The following DAAM2 variants were observed in gnomAD, a reference collection of about 807,000 sequenced individuals.
DAAM2 encodes the protein dishevelled associated activator of morphogenesis 2.
DAAM2 carries 39 observed loss-of-function variants against 120.7 expected under a neutral mutation model. That is an observed-to-expected ratio of 0.32 (90% CI 0.25 to 0.42). DAAM2 has a LOEUF of 0.42. Among genes scored for constraint, DAAM2 ranks in the 10% least tolerant of loss-of-function variants. DAAM2 has a pLI of 1.00. For missense variants in DAAM2, 1,283 were observed against 1,401.7 expected (o/e 0.92, Z 1.35); for synonymous variants, 488 against 524.9 (o/e 0.93, Z 0.96).
Position 39,856,306 on chromosome 6 carries a change from G to GC in DAAM2, c.10dup (p.Arg4ProfsTer18), listed in dbSNP as rs764968349. 4.6e-6 allele frequency: 7 copies of GC among 1,528,974 alleles called. No homozygotes were observed. Among genetic ancestry groups the GC allele is most frequent in the Admixed American group, 2.0e-5 (1 of 48,816 alleles). The allele number at this position is 1,528,974 out of a possible 1,614,324, so 94.7% of individuals were successfully genotyped here. ...CGCCCCCTGGCCTGCAGTGACCATG[G>GC]CCCCCCGCAAGAGGAGCCACCATGG... On this transcript the variant is annotated frameshift_variant, in exon 2 of 25. Coordinates refer to ENST00000274867, the MANE Select transcript of DAAM2 (RefSeq NM_001201427.2). LOFTEE classifies it high-confidence loss of function.
chr6:39,806,769 C>A (rs1762019432), intron 1 of DAAM2, among the ~76,000 whole-genome samples: 1 of 149,574 alleles, frequency 6.7e-6, no homozygotes, highest in African/African-American at 2.5e-5. Context: ...AGATGCTTAA[C>A]CTGACTTGGA....
intron 1 of DAAM2, among the ~76,000 whole-genome samples, chr6:39,813,430 T>C (rs1465521644): frequency 3.3e-5 from 5 of 152,128 alleles, no homozygotes; most frequent in Non-Finnish European, 7.4e-5. Flanking sequence ...CAACCTCTTA[T>C]GGCTGCGTTA....
intron 1 of DAAM2, among the ~76,000 whole-genome samples, chr6:39,841,945 G>A (rs1415011100): frequency 6.6e-6 from 1 of 152,254 alleles, no homozygotes; most frequent in South Asian, 2.1e-4. Flanking sequence ...ACAGAGAGGA[G>A]GGGGAAATTA....
At chr6:39,891,264 A>G in intron 17 of DAAM2, 77 bp from the exon 18 acceptor site, 2 of 1,155,790 alleles carry the variant, frequency 1.7e-6, no homozygotes, top group Non-Finnish European at 2.5e-6. Context: ...GACCCAAGTC[A>G]GTACAGCTTC....
At chr6:39,804,500 G>A (rs1021913320) in intron 1 of DAAM2, among the ~76,000 whole-genome samples, 1 of 150,922 alleles carries the variant, frequency 6.6e-6, no homozygotes, top group Non-Finnish European at 1.5e-5. Flanking sequence ...CTATTGCACT[G>A]GTCCAGAAAG....
At chr6:39,852,024 T>C (rs1404168396) in intron 1 of DAAM2, among the ~76,000 whole-genome samples, 1 of 152,174 alleles carries the variant, frequency 6.6e-6, no homozygotes, top group African/African-American at 2.4e-5. Flanking sequence ...CTTAGGCCAG[T>C]TGGTCTGTGC....
At chr6:39,812,650 A>G (rs1213982011) in intron 1 of DAAM2, among the ~76,000 whole-genome samples, 1 of 151,804 alleles carries the variant, frequency 6.6e-6, no homozygotes. Context: ...CTGACTGTGG[A>G]GTCAGCAGGT....
rs963882701 is a variant in DAAM2, at chr6:39,903,477, C to A, written c.*1440C>A. ...GCCTTGGTGGATGGGATGGCTGTATCTAGACAAAATTTTTCTAAAACTCCA... is the reference window on the plus strand; with the variant it reads ...GCCTTGGTGGATGGGATGGCTGTATATAGACAAAATTTTTCTAAAACTCCA... On this transcript the variant is annotated 3_prime_UTR_variant, in exon 25 of 25. Coordinates refer to ENST00000274867, the MANE Select transcript of DAAM2 (RefSeq NM_001201427.2). 19 of 152,254 alleles carry A rather than the reference C, an allele frequency of 1.2e-4. No individual in the cohort carries two copies. Among genetic ancestry groups the A allele is most frequent in the African/African-American group, 4.6e-4 (19 of 41,464 alleles). The allele number at this position is 152,254 out of a possible 1,614,324, so 9.4% of individuals were successfully genotyped here.
At chr6:39,840,266 C>A (rs1763274677) in intron 1 of DAAM2, among the ~76,000 whole-genome samples, 1 of 152,040 alleles carries the variant, frequency 6.6e-6, no homozygotes, top group African/African-American at 2.4e-5. Flanking sequence ...GCAGCTAGGT[C>A]AGAACCTGCC....
At chr6:39,884,908 C>T (rs3008806) in intron 15 of DAAM2, 85,234 of 151,980 alleles carry the variant, frequency 0.56, 24,340 homozygotes, top group East Asian at 0.78. Flanking sequence ...AGCTAGGGGC[C>T]TTCCCTCTAA....
intron 15 of DAAM2, chr6:39,884,352 C>T (rs751726818): frequency 3.1e-6 from 1 of 320,614 alleles, no homozygotes; most frequent in Non-Finnish European, 5.8e-6. Context: ...TATTTATACA[C>T]CAAGTATTGA....
chr6:39,901,818 G>A lies in DAAM2; in HGVS notation c.2988G>A (p.Lys996=), dbSNP rs760349530. ...ERRARMEAML[K]EQRERERWQR... ...CTTTGGCCCCCCGCCCGCAGCTGAA[G>A]GAGCAGAGGGAACGTGAGCGGTGGC... Residue 996 remains lysine, a synonymous_variant, in exon 25 of 25, where the codon AAG becomes AAA. Coordinates refer to ENST00000274867, the MANE Select transcript of DAAM2 (RefSeq NM_001201427.2). The surrounding 1 kb of genome is among the most constrained non-coding windows in gnomAD (Gnocchi z 4.5). 5.2e-6 allele frequency: 8 copies of A among 1,533,780 alleles called. No homozygotes were observed. The Admixed American group carries it at 1.4e-4, about 27-fold the overall frequency.
Position 39,878,536 on chromosome 6 carries a change from G to T in DAAM2, c.1493G>T (p.Arg498Leu). Reference protein sequence around the residue: ...DKLARESQELRQARGQVAELV... With the variant: ...DKLARESQELLQARGQVAELV... ...CTGGCCCGGGAGTCCCAGGAGCTGC[G>T]CCAGGCTCGGGGACAAGTGGCAGAG... Residue 498 changes from arginine to leucine, a missense_variant, in exon 13 of 25, where the codon CGC (arginine) becomes CTC (leucine). This residue lies in a region of DAAM2 where 748 missense variants were observed against 768.6 expected (regional missense o/e 0.97). Coordinates refer to ENST00000274867, the MANE Select transcript of DAAM2 (RefSeq NM_001201427.2). This position sits in a 1 kb window ranked among gnomAD's most constrained non-coding sequence, Gnocchi z 5.0. The T allele has an allele frequency of 6.2e-7, 1 of 1,609,894 alleles. No individual in the cohort carries two copies. The highest frequency in any genetic ancestry group is 1.7e-5 in the Admixed American group (1 of 59,574).
intron 15 of DAAM2, chr6:39,885,298 G>A (rs139691107): frequency 1.3e-5 from 2 of 152,384 alleles, no homozygotes; most frequent in Non-Finnish European, 2.9e-5. Flanking sequence ...TTAACCCCAT[G>A]CCCATGTCAG....
chr6:39,827,828 A>G (rs1301499737), intron 1 of DAAM2, among the ~76,000 whole-genome samples: 21 of 130,198 alleles, frequency 1.6e-4, no homozygotes, highest in East Asian at 2.2e-4. Flanking sequence ...TGAGCCCTGG[A>G]GTACTTCTTG....
chr6:39,827,558 G>A lies in DAAM2; in HGVS notation c.-56-28689G>A, dbSNP rs188989309. ...CCTCACTCACGCCTTGGCTCTGTGT[G>A]TGTGGGCTCATGGAGGTGCCCCCGG... On this transcript the variant is annotated intron_variant, in intron 1 of 24. Transcript: ENST00000274867. Among the ~76,000 whole-genome samples the A allele has an allele frequency of 9.2e-5, 14 of 152,296 alleles. No homozygotes were observed. In the East Asian group the frequency reaches 2.5e-3, roughly 27 times the overall value.
chr6:39,879,294 T>TCCCCCC lies in DAAM2; in HGVS notation c.1667_1668insCCCCCC (p.Pro558_Pro559dup). Reference sequence around the variant, plus strand: ...CTCTGCCCTTTGCCTGTTGTCCCCCTCCCCCACCACCACCCCTTCCTCCCG... The same window carrying TCCCCCC: ...CTCTGCCCTTTGCCTGTTGTCCCCCTCCCCCCCCCCCACCACCACCCCTTCCTCCCG... On this transcript the variant is annotated inframe_insertion, in exon 14 of 25. Coordinates refer to ENST00000274867, the MANE Select transcript of DAAM2 (RefSeq NM_001201427.2). 3 of 614,672 alleles carry TCCCCCC rather than the reference T, an allele frequency of 4.9e-6. No individual in the cohort carries two copies. The highest frequency in any genetic ancestry group is 4.7e-6 in the Non-Finnish European group (2 of 428,426). The allele number at this position is 614,672 out of a possible 1,614,324, so 38.1% of individuals were successfully genotyped here. A position where few individuals can be genotyped will look rare whatever the true frequency, so the allele number is the denominator to read the frequency against.
Position 39,868,867 on chromosome 6 carries a change from T to C in DAAM2, c.807T>C (p.Asp269=). Residue 269 remains aspartate (D), a synonymous_variant, in exon 7 of 25, where the codon GAT becomes GAC. Coordinates refer to ENST00000274867, the MANE Select transcript of DAAM2 (RefSeq NM_001201427.2). Reference sequence around the variant, plus strand: ...ACCGAAGTCTGGGCCGGTACCGGGATGAAGTGAATCTGAAAACAGCCATCA... The same window carrying C: ...ACCGAAGTCTGGGCCGGTACCGGGACGAAGTGAATCTGAAAACAGCCATCA... The part of the protein sequence containing the change: ...ELDRSLGRYR[D]EVNLKTAIMS... 1 of 1,589,632 alleles carries C rather than the reference T, an allele frequency of 6.3e-7. No homozygotes were observed. Among genetic ancestry groups the C allele is most frequent in the Non-Finnish European group, 8.6e-7 (1 of 1,167,956 alleles).
intron 9 of DAAM2, among the ~76,000 whole-genome samples, chr6:39,872,510 C>A (rs985074563): frequency 2.0e-5 from 3 of 152,200 alleles, no homozygotes; most frequent in Non-Finnish European, 4.4e-5. Context: ...CCATCCCTAA[C>A]CAGATCATGC....
Sources: allele counts gnomAD v4.1 joint callset (sites outside exome capture counted in the v4.1 genomes callset), GRCh38; gene constraint gnomAD v4.1.1; regional missense constraint gnomAD v4.1.1; non-coding constraint Gnocchi (gnomAD v3.1); transcripts MANE v1.5; gene names NCBI Gene and HGNC (gene_info 2026-07-23, HGNC 2026-07-21).